CACNA2D3: variants seen among roughly 807,000 people sequenced by gnomAD.
CACNA2D3 encodes calcium voltage-gated channel auxiliary subunit alpha2delta 3.
In CACNA2D3, 60 loss-of-function variants were observed where a neutral mutation model predicts 160.6. The observed-to-expected ratio is 0.37, with a 90% CI of 0.30 to 0.46. CACNA2D3 has a LOEUF of 0.46. Ranked by LOEUF, CACNA2D3 falls within the 20% of genes least tolerant of loss-of-function variation. The pLI, the probability that CACNA2D3 is intolerant of heterozygous loss-of-function variation, is 1.00. For synonymous variants in CACNA2D3, 558 were observed against 492.9 expected, an observed-to-expected ratio of 1.13 and a Z score of -1.75; for missense variants, 1,205 against 1,365.0, an observed-to-expected ratio of 0.88 and a Z score of 1.85.
chr3:54,761,480 A>G (rs1283395722), intron 12 of CACNA2D3, among the ~76,000 whole-genome samples: 1 of 152,210 alleles, frequency 6.6e-6, no homozygotes, highest in Non-Finnish European at 1.5e-5. Flanking sequence ...GAGAGATGAT[A>G]ACTGTGTATG....
chr3:54,583,563 G>A (rs757845410), intron 9 of CACNA2D3, among the ~76,000 whole-genome samples: 17 of 152,112 alleles, frequency 1.1e-4, no homozygotes, highest in African/African-American at 2.2e-4. Flanking sequence ...TGATTTTTCA[G>A]ATTTTGGAAT....
At chr3:54,770,655 C>G (rs570122957) in intron 13 of CACNA2D3, among the ~76,000 whole-genome samples, 2 of 152,286 alleles carry the variant, frequency 1.3e-5, no homozygotes, top group South Asian at 4.1e-4. Context: ...CCACAGCACC[C>G]TGGACATGTG....
intron 27 of CACNA2D3, among the ~76,000 whole-genome samples, chr3:54,946,959 C>A (rs900719470): frequency 6.6e-6 from 1 of 152,126 alleles, no homozygotes; most frequent in Non-Finnish European, 1.5e-5. Flanking sequence ...AATTAATCTG[C>A]CTGTGACCAT....
At chr3:54,730,692 G>A (rs1195056749) in intron 11 of CACNA2D3, among the ~76,000 whole-genome samples, 1 of 150,936 alleles carries the variant, frequency 6.6e-6, no homozygotes, top group Non-Finnish European at 1.5e-5. Flanking sequence ...TAATAGAGAT[G>A]GGGTTTCACG....
intron 29 of CACNA2D3, among the ~76,000 whole-genome samples, chr3:54,980,359 C>T (rs1034313869): frequency 2.6e-5 from 4 of 152,150 alleles, no homozygotes; most frequent in African/African-American, 7.2e-5. Context: ...TAACTTTAGT[C>T]AATGTCCACA....
intron 4 of CACNA2D3, among the ~76,000 whole-genome samples, chr3:54,427,681 A>G (rs1255057033): frequency 6.6e-6 from 1 of 152,222 alleles, no homozygotes; most frequent in Non-Finnish European, 1.5e-5. Flanking sequence ...CGTCTAGTCT[A>G]GTAAGCATAA....
At chr3:54,563,135 AG>A (rs1702353845) in intron 6 of CACNA2D3, among the ~76,000 whole-genome samples, 1 of 152,212 alleles carries the variant, frequency 6.6e-6, no homozygotes, top group Admixed American at 6.5e-5. Context: ...ACATGATCAC[AG>A]GAATTCTCTG....
intron 11 of CACNA2D3, among the ~76,000 whole-genome samples, chr3:54,703,325 A>G (rs1235132968): frequency 6.6e-6 from 1 of 152,166 alleles, no homozygotes; most frequent in Non-Finnish European, 1.5e-5. Context: ...CCTACATGTG[A>G]TTCATTTTAT....
intron 11 of CACNA2D3, among the ~76,000 whole-genome samples, chr3:54,689,527 C>T (rs1318016596): frequency 6.6e-6 from 1 of 152,116 alleles, no homozygotes; most frequent in Non-Finnish European, 1.5e-5. Context: ...CTTCTCTTGT[C>T]CAAAGTTCAG....
chr3:54,822,608 C>T (rs1703629875), intron 14 of CACNA2D3, among the ~76,000 whole-genome samples: 1 of 152,170 alleles, frequency 6.6e-6, no homozygotes, highest in Admixed American at 6.5e-5. Context: ...AAGTGCATGG[C>T]TTCCTAATGG....
chr3:54,149,929 CTCCCT>C (rs1700112782), intron 2 of CACNA2D3, among the ~76,000 whole-genome samples: 13 of 53,990 alleles, frequency 2.4e-4, no homozygotes, highest in African/African-American at 1.3e-3. Context: ...CTCTCTCTCT[CTCCCT>C]CCCTCCCTCC....
chr3:54,755,824 TA>T (rs1158879510), intron 12 of CACNA2D3, among the ~76,000 whole-genome samples: 3 of 152,196 alleles, frequency 2.0e-5, no homozygotes, highest in Non-Finnish European at 4.4e-5. Flanking sequence ...TAATTTTTTT[TA>T]AAAAAATTTG....
At chr3:54,721,762 CAAAAA>C (rs34393649) in intron 11 of CACNA2D3, among the ~76,000 whole-genome samples, 3 of 106,308 alleles carry the variant, frequency 2.8e-5, no homozygotes, top group Non-Finnish European at 5.7e-5. Flanking sequence ...AACTCCATCT[CAAAAA>C]AAAAAAAAAA....
chr3:54,670,046 C>T (rs1369750703), intron 11 of CACNA2D3, among the ~76,000 whole-genome samples: 3 of 152,148 alleles, frequency 2.0e-5, no homozygotes, highest in Non-Finnish European at 4.4e-5. Flanking sequence ...AGTTTGATTT[C>T]CCCATCATAT....
In CACNA2D3 at chr3:54,320,518, A is replaced by T; in HGVS notation, c.281A>T (p.Asn94Ile). 1 of 1,568,764 alleles carries T rather than the reference A, an allele frequency of 6.4e-7. No homozygotes were observed. Among genetic ancestry groups the T allele is most frequent in the East Asian group, 2.4e-5 (1 of 42,506 alleles). The change falls in exon 3 of 38, where the codon AAC (asparagine) becomes ATC (isoleucine). Residue 94 changes from asparagine to isoleucine, a missense_variant. Transcript: ENST00000474759. ...GLQLVKKLAK[N>I]MEEMFHKKSE... ...CAACTGGTAAAGAAGCTGGCAAAGAACATGGAAGAGATGTTTCACAAGAAG... is the reference window on the plus strand; with the variant it reads ...CAACTGGTAAAGAAGCTGGCAAAGATCATGGAAGAGATGTTTCACAAGAAG...
At chr3:54,297,709 C>T (rs2107485789) in intron 2 of CACNA2D3, among the ~76,000 whole-genome samples, 1 of 127,616 alleles carries the variant, frequency 7.8e-6, no homozygotes. Context: ...CTCTCCCCGC[C>T]ACCAAAAAAA....
chr3:54,466,140 A>T (rs1700620885), intron 4 of CACNA2D3, among the ~76,000 whole-genome samples: 1 of 152,208 alleles, frequency 6.6e-6, no homozygotes, highest in Admixed American at 6.5e-5. Context: ...CCGTATTTTA[A>T]GGTCAACTGA....
rs535709447 is a variant in CACNA2D3, at chr3:54,605,184, T to C, written c.964-22603T>C. Among the ~76,000 whole-genome samples the C allele has an allele frequency of 2.0e-4, 30 of 152,292 alleles. 3 individuals are homozygous for C. The South Asian group carries it at 5.6e-3, about 28-fold the overall frequency. ...TCTAAAGACACCAGTCATATTGCAT[T>C]AGGGGTCCAACCTACTCCAGTGTGA... On this transcript the variant is annotated intron_variant, in intron 9 of 37. Transcript: ENST00000474759.
chr3:54,208,603 C>T (rs987360246), intron 2 of CACNA2D3, among the ~76,000 whole-genome samples: 1 of 152,164 alleles, frequency 6.6e-6, no homozygotes, highest in African/African-American at 2.4e-5. Flanking sequence ...CCAGTGCCAG[C>T]CCCTTGTCAC....
Sources: allele counts gnomAD v4.1 joint callset (sites outside exome capture counted in the v4.1 genomes callset), GRCh38; gene constraint gnomAD v4.1.1; transcripts MANE v1.5; gene names NCBI Gene and HGNC (gene_info 2026-07-23, HGNC 2026-07-21).